Variants in RPTOR observed in about 807,000 individuals in gnomAD.
The protein encoded by RPTOR is regulatory-associated protein of mTOR.
Under a neutral mutation model 169.9 loss-of-function variants are expected in RPTOR, and 21 were observed. The ratio of observed to expected loss-of-function variants is 0.12; its 90% CI spans 0.09 to 0.18. The LOEUF (loss-of-function observed/expected upper bound fraction) is 0.18. RPTOR is among the 10% of genes least tolerant of loss of function. The pLI is 1.00. For synonymous variants in RPTOR, 732 were observed against 753.2 expected, an observed-to-expected ratio of 0.97 and a Z score of 0.46; for missense variants, 1,133 against 1,855.9, an observed-to-expected ratio of 0.61 and a Z score of 7.16.
At chr17:80,611,562 C>T (rs2065271010) in intron 1 of RPTOR, among the ~76,000 whole-genome samples, 1 of 152,100 alleles carries the variant, frequency 6.6e-6, no homozygotes, top group African/African-American at 2.4e-5. Context: ...CAGGAGTGAG[C>T]CACCATGCCT....
chr17:80,857,886 C>T lies in RPTOR; in HGVS notation c.1495C>T (p.Leu499Phe). 6.2e-7 allele frequency: 1 copy of T among 1,613,330 alleles called. No homozygotes were observed. The highest frequency in any genetic ancestry group is 8.5e-7 in the Non-Finnish European group (1 of 1,179,796). ...PLLVFIWAKI[L>F]AVDSSCQADL... ...TCTCGTTTTCATCTGGGCCAAGATC[C>T]TCGCAGTGGACAGCGTGAGTATCCC... is the stretch of plus-strand genomic sequence containing the variant. The change falls in exon 13 of 34, where the codon CTC (leucine) becomes TTC (phenylalanine). Residue 499 changes from leucine (L) to phenylalanine (F), a missense_variant. This residue lies in a region of RPTOR where 289 missense variants were observed against 585.8 expected (regional missense o/e 0.49). Transcript: ENST00000306801.
chr17:80,864,362 A>G lies in RPTOR; in HGVS notation c.1509+6462A>G, dbSNP rs139401301. On this transcript the variant is annotated intron_variant, in intron 13 of 33. Transcript: ENST00000306801. The stretch of plus-strand genomic sequence containing the variant: ...TTCTTACAGATTTCCTACAGATGGA[A>G]AAGGTGAGAATGATGGCAAGTTTCT... Among the ~76,000 whole-genome samples, 519 of 142,688 alleles carry G rather than the reference A, an allele frequency of 3.6e-3. 1 individual carries two copies. Among genetic ancestry groups the G allele is most frequent in the African/African-American group, 0.014 (490 of 34,610 alleles). 93.6% of individuals were successfully genotyped at this position (142,688 alleles called of 152,430 possible).
intron 6 of RPTOR, among the ~76,000 whole-genome samples, chr17:80,763,707 A>G (rs943028536): frequency 5.9e-5 from 9 of 152,362 alleles, no homozygotes; most frequent in East Asian, 3.9e-4. Context: ...GCGCCCGACT[A>G]CAAAGAAAGC....
In RPTOR at chr17:80,562,212, G is replaced by C. The variant is rs1039608424; in HGVS notation, c.162+16421G>C. On this transcript the variant is annotated intron_variant, in intron 1 of 33. Coordinates refer to ENST00000306801, the MANE Select transcript of RPTOR (RefSeq NM_020761.3). The surrounding 1 kb of genome is among the most constrained non-coding windows in gnomAD (Gnocchi z 4.4). ...AGGGTGACACGCAGCCTCCTAACTG[G>C]ATGTAGGAGAGAAAAACAAGATACA... Among the ~76,000 whole-genome samples, 1 of 152,148 alleles carries C rather than the reference G, an allele frequency of 6.6e-6. No individual in the cohort carries two copies. The highest frequency in any genetic ancestry group is 2.4e-5 in the African/African-American group (1 of 41,438).
chr17:80,924,006 G>A (rs1024598878), intron 23 of RPTOR: 3 of 370,376 alleles, frequency 8.1e-6, no homozygotes, highest in Non-Finnish European at 9.8e-6. Context: ...CGAAACAGGA[G>A]CACGGAGTTA....
At chr17:80,935,833 A>G (rs951892170) in intron 24 of RPTOR, among the ~76,000 whole-genome samples, 1 of 152,240 alleles carries the variant, frequency 6.6e-6, no homozygotes, top group African/African-American at 2.4e-5. Flanking sequence ...ATAAGATGCA[A>G]AAAGTACAAG....
chr17:80,561,247 ATATGTATATATATATG>A (rs1264710804), intron 1 of RPTOR, among the ~76,000 whole-genome samples: 1,052 of 6,842 alleles, frequency 0.15, 9 homozygotes, highest in East Asian at 0.48. Context: ...ATTTATATAT[ATATGTATATATATATG>A]TATATATATA....
At chr17:80,809,423 C>G (rs1263639837) in intron 7 of RPTOR, among the ~76,000 whole-genome samples, 1 of 152,170 alleles carries the variant, frequency 6.6e-6, no homozygotes, top group East Asian at 1.9e-4. Flanking sequence ...GAACTCCTGA[C>G]TTAAGTGATC....
intron 25 of RPTOR, among the ~76,000 whole-genome samples, chr17:80,944,807 A>T (rs34056644): frequency 0.22 from 33,779 of 152,058 alleles, 3,895 homozygotes; most frequent in Admixed American, 0.25. Flanking sequence ...CCTGGCCAAC[A>T]TGGTGAAACC....
At chr17:80,914,286 C>T (rs115035961) in intron 21 of RPTOR, among the ~76,000 whole-genome samples, 3,071 of 152,318 alleles carry the variant, frequency 0.02, 116 homozygotes, top group African/African-American at 0.07. Context: ...TCCCCAGGTG[C>T]AGCTACAGCC....
In RPTOR at chr17:80,612,686, C is replaced by T. The variant is rs188612094; in HGVS notation, c.163-13005C>T. Among the ~76,000 whole-genome samples the T allele has an allele frequency of 2.4e-3, 368 of 152,184 alleles. 1 individual carries two copies. Among genetic ancestry groups the T allele is most frequent in the Non-Finnish European group, 4.1e-3 (280 of 68,010 alleles). ...ATTTGTCACAACCTGGGCAACATAG[C>T]GAGATCTTGTCTCTACAAAAAATAC... On this transcript the variant is annotated intron_variant, in intron 1 of 33. Coordinates refer to ENST00000306801, the MANE Select transcript of RPTOR (RefSeq NM_020761.3).
At position 80,725,116 on chromosome 17, in the gene RPTOR, A is replaced by G. The variant is rs531535704; in HGVS notation, c.508-5444A>G. 2.0e-5 allele frequency among the ~76,000 whole-genome samples: 3 copies of G among 152,304 alleles called. No individual in the cohort carries two copies. The East Asian group carries it at 5.8e-4, about 29-fold the overall frequency. ...TCAGTCTTTCCACCAGAAATCCCTG[A>G]GATGTAGAATTGTGGGAAGCTCCTT... is the stretch of plus-strand genomic sequence containing the variant. On this transcript the variant is annotated intron_variant, in intron 4 of 33. Coordinates refer to ENST00000306801, the MANE Select transcript of RPTOR (RefSeq NM_020761.3).
chr17:80,582,718 A>G (rs923538787), intron 1 of RPTOR, among the ~76,000 whole-genome samples: 5 of 147,056 alleles, frequency 3.4e-5, no homozygotes, highest in African/African-American at 7.5e-5. Context: ...GCTAATTTTT[A>G]TATTTTCAAT....
intron 9 of RPTOR, among the ~76,000 whole-genome samples, chr17:80,827,731 C>G (rs1325382348): frequency 6.6e-6 from 1 of 152,130 alleles, no homozygotes; most frequent in African/African-American, 2.4e-5. Context: ...CCACAGCTCC[C>G]CTGAGGCACA....
intron 11 of RPTOR, among the ~76,000 whole-genome samples, chr17:80,853,263 G>A (rs1165249473): frequency 6.6e-6 from 1 of 152,154 alleles, no homozygotes; most frequent in Non-Finnish European, 1.5e-5. Flanking sequence ...CTGGTAGCCC[G>A]TGCATCCTCA....
chr17:80,654,399 C>A (rs575969181), intron 3 of RPTOR, among the ~76,000 whole-genome samples: 11 of 152,216 alleles, frequency 7.2e-5, no homozygotes, highest in Non-Finnish European at 1.6e-4. Flanking sequence ...ACGTGGAAGA[C>A]GGCGCAGTCC....
At chr17:80,679,996 G>GAGGGAGCCCC (rs755906849) in intron 3 of RPTOR, among the ~76,000 whole-genome samples, 21,717 of 151,930 alleles carry the variant, frequency 0.14, 3,470 homozygotes, top group African/African-American at 0.32. Context: ...CAGAGAGAGG[G>GAGGGAGCCCC]ATGGAGCCCC....
intron 1 of RPTOR, among the ~76,000 whole-genome samples, chr17:80,552,488 T>G (rs2084357733): frequency 6.6e-6 from 1 of 152,226 alleles, no homozygotes; most frequent in African/African-American, 2.4e-5. Flanking sequence ...CTCTGATATT[T>G]TTCTCCCTAC....
chr17:80,828,504 G>C (rs560456380), intron 9 of RPTOR, among the ~76,000 whole-genome samples: 2 of 152,346 alleles, frequency 1.3e-5, no homozygotes, highest in African/African-American at 2.4e-5. Context: ...GCCTGGCTTG[G>C]GCCTGCCCTT....
Sources: gnomAD v4.1 joint callset for allele counts (sites outside exome capture counted in the v4.1 genomes callset) on GRCh38, gnomAD v4.1.1 for gene constraint, gnomAD v4.1.1 regional missense constraint, Gnocchi (gnomAD v3.1) non-coding constraint, MANE v1.5 for transcripts, NCBI Gene and HGNC (gene_info 2026-07-23, HGNC 2026-07-21) for gene names.